STAU2: variants seen among roughly 807,000 people sequenced by gnomAD.
The protein encoded by STAU2 is staufen double-stranded RNA binding protein 2, also known as double-stranded RNA-binding protein Staufen homolog 2.
A neutral mutation model predicts 65.9 loss-of-function variants in STAU2; 20 were observed. The observed-to-expected ratio is 0.30, with a 90% CI of 0.21 to 0.44. The LOEUF (loss-of-function observed/expected upper bound fraction) is 0.44, where lower values mean the gene tolerates loss of function less well. Ranked by LOEUF, STAU2 falls within the 20% of genes least tolerant of loss-of-function variation. The probability of loss-of-function intolerance (pLI) is 1.00; values close to 1 mark genes in which losing one functional copy is unlikely to be tolerated. For synonymous variants in STAU2, 232 were observed against 233.9 expected (o/e 0.99, Z 0.07); for missense variants, 558 against 683.9 (o/e 0.82, Z 2.05).
chr8:73,447,411 A>G lies in STAU2; in HGVS notation c.1531-24709T>C, dbSNP rs183665785. Among the ~76,000 whole-genome samples the G allele has an allele frequency of 5.5e-3, 841 of 152,300 alleles. 2 individuals carry two copies. Among genetic ancestry groups the G allele is most frequent in the Non-Finnish European group, 8.3e-3 (564 of 68,018 alleles). On this transcript the variant is annotated intron_variant, in intron 13 of 14. Transcript: ENST00000524300. The stretch of plus-strand genomic sequence containing the variant: ...CGATCTCATTCTTTTTAATAGCTGC[A>G]TGGCATTGCATCATATGGCTGTGCC...
At chr8:73,539,308 C>G (rs2128936846) in intron 13 of STAU2, among the ~76,000 whole-genome samples, 1 of 152,272 alleles carries the variant, frequency 6.6e-6, no homozygotes, top group Admixed American at 6.5e-5. Flanking sequence ...CAATACATCT[C>G]TGATGTTGAA....
chr8:73,710,537 TATCCCG>T (rs1441949248), intron 3 of STAU2, among the ~76,000 whole-genome samples: 2 of 152,096 alleles, frequency 1.3e-5, no homozygotes, highest in African/African-American at 4.8e-5. Context: ...GAAATAAATC[TATCCCG>T]CTTAAGTCCC....
At chr8:73,679,511 C>T (rs1818247937) in intron 5 of STAU2, among the ~76,000 whole-genome samples, 1 of 151,794 alleles carries the variant, frequency 6.6e-6, no homozygotes. Flanking sequence ...ACTGGGGAAC[C>T]TGAAAATCCA....
At chr8:73,513,256 TTA>T (rs376972440) in intron 13 of STAU2, among the ~76,000 whole-genome samples, 4 of 152,344 alleles carry the variant, frequency 2.6e-5, no homozygotes, top group African/African-American at 9.6e-5. Context: ...GCATCGCTGC[TTA>T]TCTCTCTACT....
chr8:73,581,395 A>C (rs544385460), intron 12 of STAU2, among the ~76,000 whole-genome samples: 151 of 152,352 alleles, frequency 9.9e-4, no homozygotes, highest in African/African-American at 3.3e-3. Context: ...CAAAAGTATA[A>C]GAATGGAATT....
chr8:73,602,728 CA>C (rs59554010), intron 10 of STAU2, among the ~76,000 whole-genome samples: 4,284 of 83,228 alleles, frequency 0.051, 148 homozygotes, highest in African/African-American at 0.15. Context: ...GTTGCCCCAC[CA>C]AAAAAAAAAA....
intron 13 of STAU2, among the ~76,000 whole-genome samples, chr8:73,533,738 C>CTGAA (rs372721085): frequency 3.3e-5 from 5 of 152,116 alleles, no homozygotes; most frequent in African/African-American, 4.8e-5. Context: ...CTGTTTCTGT[C>CTGAA]TGAATGAATG....
At chr8:73,529,941 T>C (rs183457648) in intron 13 of STAU2, among the ~76,000 whole-genome samples, 5 of 152,294 alleles carry the variant, frequency 3.3e-5, no homozygotes, top group East Asian at 3.9e-4. Context: ...TATAACTAAG[T>C]AGACTGTAAA....
intron 5 of STAU2, among the ~76,000 whole-genome samples, chr8:73,676,796 A>G (rs895217815): frequency 6.6e-6 from 1 of 152,156 alleles, no homozygotes; most frequent in African/African-American, 2.4e-5. Context: ...GGGTTTCACC[A>G]TGTTGGCCAG....
intron 13 of STAU2, among the ~76,000 whole-genome samples, chr8:73,546,586 C>T (rs909663103): frequency 2.0e-5 from 3 of 152,326 alleles, no homozygotes; most frequent in African/African-American, 7.2e-5. Flanking sequence ...CCCCTAAATG[C>T]ATGCCCCTGT....
intron 7 of STAU2, 23 bp downstream of exon 7, chr8:73,617,269 T>A: frequency 6.2e-7 from 1 of 1,607,922 alleles, no homozygotes; most frequent in Non-Finnish European, 8.5e-7. Flanking sequence ...AAGAACAGAC[T>A]GTCACATGCA....
chr8:73,488,681 G>T (rs971085191), intron 13 of STAU2, among the ~76,000 whole-genome samples: 2 of 106,510 alleles, frequency 1.9e-5, no homozygotes, highest in Admixed American at 2.0e-4. Flanking sequence ...GAGGAAATAA[G>T]AAATCCTTAA....
At chr8:73,624,125 G>T (rs1229874469) in intron 6 of STAU2, among the ~76,000 whole-genome samples, 1 of 151,876 alleles carries the variant, frequency 6.6e-6, no homozygotes, top group Non-Finnish European at 1.5e-5. Flanking sequence ...AAATAATACG[G>T]TACACTAGAA....
chr8:73,679,077 C>T (rs1196752741), intron 5 of STAU2, among the ~76,000 whole-genome samples: 1 of 152,076 alleles, frequency 6.6e-6, no homozygotes, highest in Non-Finnish European at 1.5e-5. Flanking sequence ...TTAATATTGA[C>T]TAGAAGGTAA....
In STAU2 at chr8:73,673,178, G is replaced by A. The variant is rs868172126; in HGVS notation, c.339C>T (p.Tyr113=). The change falls in exon 6 of 15, where the codon TAC becomes TAT. Residue 113 remains tyrosine (Y), a synonymous_variant. Coordinates refer to ENST00000524300, the MANE Select transcript of STAU2 (RefSeq NM_001164380.2). ...LAMKRGEPAI[Y]RPLDPKPFPN... is the part of the protein sequence containing the mutation. ...GGAATGGCTTTGGATCTAATGGCCT[G>A]TAGATGGCAGGCTCTCCCCTTTTCA... The A allele has an allele frequency of 8.7e-6, 14 of 1,606,690 alleles. No homozygotes were observed. The Middle Eastern group carries it at 1.7e-3, about 190-fold the overall frequency.
chr8:73,433,727 C>T lies in STAU2; in HGVS notation c.1531-11025G>A, dbSNP rs576719544. 8.1e-4 allele frequency among the ~76,000 whole-genome samples: 123 copies of T among 152,016 alleles called. 2 individuals are homozygous for T. Among genetic ancestry groups the T allele is most frequent in the African/African-American group, 2.9e-3 (121 of 41,284 alleles). On this transcript the variant is annotated intron_variant, in intron 13 of 14. Transcript: ENST00000524300. ...TGTTGGCCAGGCTGGTCTCGAACTCCTGGGCTCTCAAGCGATCCATCTGCC... is the reference window on the plus strand; with the variant it reads ...TGTTGGCCAGGCTGGTCTCGAACTCTTGGGCTCTCAAGCGATCCATCTGCC...
rs1816327194 is a variant in STAU2, at chr8:73,420,673, T to C, written c.*699A>G. ...CGCCCCCTTACTTGCTAAGAGTATA[T>C]GGAGCTCAAAACCCACAATTGCTTT... On this transcript the variant is annotated 3_prime_UTR_variant, in exon 15 of 15. Transcript: ENST00000524300. The C allele has an allele frequency of 1.9e-5, 3 of 159,652 alleles. 1 individual carries two copies. The highest frequency in any genetic ancestry group is 3.7e-4 in the South Asian group (2 of 5,452). 9.9% of individuals were successfully genotyped at this position (159,652 alleles called of 1,614,324 possible).
chr8:73,592,121 T>C (rs1301643639), intron 11 of STAU2, among the ~76,000 whole-genome samples: 2 of 149,392 alleles, frequency 1.3e-5, no homozygotes, highest in Admixed American at 1.3e-4. Context: ...AGAGCAGAAA[T>C]CAAAAAAACT....
At chr8:73,560,686 T>C (rs367668586) in intron 12 of STAU2, among the ~76,000 whole-genome samples, 5 of 152,154 alleles carry the variant, frequency 3.3e-5, no homozygotes, top group Non-Finnish European at 7.3e-5. Flanking sequence ...TCCCAGGTCA[T>C]GACATAGCAT....
Sources: gnomAD v4.1 joint callset for allele counts (sites outside exome capture counted in the v4.1 genomes callset) on GRCh38, gnomAD v4.1.1 for gene constraint, MANE v1.5 for transcripts, NCBI Gene and HGNC (gene_info 2026-07-23, HGNC 2026-07-21) for gene names.